DLGAP1: variants seen among roughly 807,000 people sequenced by gnomAD.
DLGAP1 encodes disks large-associated protein 1.
In DLGAP1, 11 loss-of-function variants were observed where a neutral mutation model predicts 90.8. That is an observed-to-expected ratio of 0.12 (90% CI 0.08 to 0.20). DLGAP1 has a LOEUF of 0.20. DLGAP1 is among the 10% of genes least tolerant of loss of function. DLGAP1 has a pLI of 1.00. For synonymous variants in DLGAP1, 558 were observed against 540.7 expected, an observed-to-expected ratio of 1.03 and a Z score of -0.44; for missense variants, 1,050 against 1,333.8, an observed-to-expected ratio of 0.79 and a Z score of 3.31.
intron 1 of DLGAP1, among the ~76,000 whole-genome samples, chr18:4,408,898 G>A (rs1452159286): frequency 6.6e-6 from 1 of 151,540 alleles, no homozygotes; most frequent in Admixed American, 6.6e-5. Context: ...CTAGGAAAAC[G>A]CTCTAACCTA....
In DLGAP1 at chr18:3,946,338, C is replaced by T. The variant is rs773614038; in HGVS notation, c.-73+58778G>A. ...GGGACTGTAGCTTGGTTCATTTGCTCACCACGTGTCATAATAATTATTAGA... is the reference window on the plus strand; with the variant it reads ...GGGACTGTAGCTTGGTTCATTTGCTTACCACGTGTCATAATAATTATTAGA... On this transcript the variant is annotated intron_variant, in intron 3 of 12. Coordinates refer to ENST00000315677, the MANE Select transcript of DLGAP1 (RefSeq NM_004746.4). Among the ~76,000 whole-genome samples, 62 of 152,252 alleles carry T rather than the reference C, an allele frequency of 4.1e-4. 1 individual carries two copies. The highest frequency in any genetic ancestry group is 7.1e-4 in the Non-Finnish European group (48 of 68,022).
intron 1 of DLGAP1, among the ~76,000 whole-genome samples, chr18:4,190,094 G>A (rs529268030): frequency 1.3e-4 from 20 of 152,074 alleles, no homozygotes; most frequent in East Asian, 3.9e-4. Context: ...ACCTGCACAC[G>A]AAAGCTACAA....
chr18:3,694,935 T>G (rs1219148899), intron 7 of DLGAP1, among the ~76,000 whole-genome samples: 6 of 136,552 alleles, frequency 4.4e-5, no homozygotes, highest in Non-Finnish European at 7.7e-5. Context: ...TTGGTGTTTT[T>G]TTTGTTTTTT....
At chr18:4,287,048 T>C (rs2079714666) in intron 1 of DLGAP1, among the ~76,000 whole-genome samples, 1 of 152,098 alleles carries the variant, frequency 6.6e-6, no homozygotes, top group African/African-American at 2.4e-5. Flanking sequence ...AAGCATGTCA[T>C]GGGTGGCTCA....
chr18:4,107,904 G>T (rs1212824722), intron 2 of DLGAP1, among the ~76,000 whole-genome samples: 1 of 152,024 alleles, frequency 6.6e-6, no homozygotes, highest in Non-Finnish European at 1.5e-5. Context: ...AAAAATCTTG[G>T]TTTTTGTTTA....
chr18:4,439,723 C>A (rs2083484517), intron 1 of DLGAP1, among the ~76,000 whole-genome samples: 1 of 150,886 alleles, frequency 6.6e-6, no homozygotes, highest in African/African-American at 2.4e-5. Context: ...GGCAGGAGGA[C>A]TGCTTGAGGA....
chr18:3,706,991 G>A, intron 7 of DLGAP1, among the ~76,000 whole-genome samples: 1 of 152,208 alleles, frequency 6.6e-6, no homozygotes, highest in East Asian at 1.9e-4. Context: ...ACTGAGTTCA[G>A]CAAGGGAGAA....
chr18:4,096,791 G>A (rs1217774323), intron 2 of DLGAP1, among the ~76,000 whole-genome samples: 4 of 152,184 alleles, frequency 2.6e-5, no homozygotes, highest in East Asian at 1.9e-4. Flanking sequence ...CTGGGTTAAC[G>A]TCCTGGCTTG....
chr18:4,115,596 C>T (rs1219367406), intron 2 of DLGAP1, among the ~76,000 whole-genome samples: 1 of 152,108 alleles, frequency 6.6e-6, no homozygotes, highest in Non-Finnish European at 1.5e-5. Flanking sequence ...CGCCATCCTC[C>T]TGCCTCAGCC....
rs989155393 is a variant in DLGAP1 at position 3,821,529 on chromosome 18, C to T, written c.958-7256G>A. Among the ~76,000 whole-genome samples the T allele has an allele frequency of 1.4e-4, 21 of 152,078 alleles. 1 individual carries two copies. The highest frequency in any genetic ancestry group is 4.6e-4 in the African/African-American group (19 of 41,416). ...ATGTAACCATTCAAATAAGCATAAA[C>T]GTTCTCGTGTCACTAATTTTCTAGC... On this transcript the variant is annotated intron_variant, in intron 4 of 12. Coordinates refer to ENST00000315677, the MANE Select transcript of DLGAP1 (RefSeq NM_004746.4).
chr18:4,024,811 T>C (rs868854147), intron 2 of DLGAP1, among the ~76,000 whole-genome samples: 36 of 152,128 alleles, frequency 2.4e-4, no homozygotes, highest in African/African-American at 7.2e-4. Context: ...CTAAGGAGCA[T>C]GGACTTTACC....
Position 3,553,515 on chromosome 18 carries a change from T to A in DLGAP1, c.2057+13975A>T, listed in dbSNP as rs1174562427. On this transcript the variant is annotated intron_variant, in intron 9 of 12. Coordinates refer to ENST00000315677, the MANE Select transcript of DLGAP1 (RefSeq NM_004746.4). ...AGATAATACGTAAAAAGAAGATACATACACACATAGTTTTTTTGTTTTTTG... is the reference window on the plus strand; with the variant it reads ...AGATAATACGTAAAAAGAAGATACAAACACACATAGTTTTTTTGTTTTTTG... Among the ~76,000 whole-genome samples, 2 of 152,154 alleles carry A rather than the reference T, an allele frequency of 1.3e-5. 1 individual carries two copies. The highest frequency in any genetic ancestry group is 3.8e-4 in the East Asian group (2 of 5,198).
At chr18:4,239,738 T>C (rs1169041742) in intron 1 of DLGAP1, among the ~76,000 whole-genome samples, 1 of 152,188 alleles carries the variant, frequency 6.6e-6, no homozygotes, top group African/African-American at 2.4e-5. Flanking sequence ...GCCTCCTTAG[T>C]TGCCTGTGTG....
intron 2 of DLGAP1, among the ~76,000 whole-genome samples, chr18:4,013,359 C>T (rs1390773030): frequency 6.6e-6 from 1 of 152,194 alleles, no homozygotes; most frequent in Non-Finnish European, 1.5e-5. Flanking sequence ...GGTAAGGAAA[C>T]TGATCTGTGC....
chr18:4,374,252 A>G (rs2081973718), intron 1 of DLGAP1, among the ~76,000 whole-genome samples: 1 of 152,170 alleles, frequency 6.6e-6, no homozygotes, highest in African/African-American at 2.4e-5. Context: ...GTAAGAAAAC[A>G]CAAACACACA....
chr18:3,856,537 A>T (rs1345725347), intron 4 of DLGAP1, among the ~76,000 whole-genome samples: 1 of 152,106 alleles, frequency 6.6e-6, no homozygotes, highest in Non-Finnish European at 1.5e-5. Context: ...GAAGAAACCT[A>T]TTACTAATGG....
intron 3 of DLGAP1, among the ~76,000 whole-genome samples, chr18:3,964,067 G>T (rs924171069): frequency 2.6e-5 from 4 of 152,098 alleles, no homozygotes; most frequent in African/African-American, 9.7e-5. Flanking sequence ...ACTGCAGGAG[G>T]CGTCATTCCT....
chr18:4,041,213 A>T (rs1012404992), intron 2 of DLGAP1, among the ~76,000 whole-genome samples: 1 of 152,224 alleles, frequency 6.6e-6, no homozygotes, highest in African/African-American at 2.4e-5. Flanking sequence ...GGAGATGTCA[A>T]TGTAAAATAT....
chr18:4,348,639 G>T (rs145585480), intron 1 of DLGAP1, among the ~76,000 whole-genome samples: 2 of 152,002 alleles, frequency 1.3e-5, no homozygotes, highest in Non-Finnish European at 2.9e-5. Context: ...TTTGGGAATG[G>T]GTAGATATTA....
Sources: gnomAD v4.1 joint callset for allele counts (sites outside exome capture counted in the v4.1 genomes callset) on GRCh38, gnomAD v4.1.1 for gene constraint, MANE v1.5 for transcripts, NCBI Gene and HGNC (gene_info 2026-07-23, HGNC 2026-07-21) for gene names.